Variants in BOP1 observed in about 807,000 individuals in gnomAD.
The protein encoded by BOP1 is BOP1 ribosomal biogenesis factor.
In BOP1, 54 loss-of-function variants were observed where a neutral mutation model predicts 82.9. The observed-to-expected ratio is 0.65, with a 90% CI of 0.52 to 0.82. The LOEUF is 0.82. Among genes scored for constraint, BOP1 ranks in the 40% least tolerant of loss-of-function variants. The pLI, the probability that BOP1 is intolerant of heterozygous loss-of-function variation, is 0.00. For missense variants in BOP1, 1,170 were observed against 1,072.0 expected (o/e 1.09, Z -1.28); for synonymous variants, 566 against 451.1 (o/e 1.25, Z -3.23).
Position 144,262,633 on chromosome 8 carries a change from A to G in BOP1, c.1934T>C (p.Val645Ala). ...GGTGGAAAGATCCAGGTCAAACCAC[A>G]CCAGCTTGCTATCGTAGCTCCCACA... ...VICGSYDSKL[V>A]WFDLDLSTKP... The change falls in exon 14 of 16, where the codon GTG (valine) becomes GCG (alanine). Residue 645 changes from valine to alanine, a missense_variant. Physicochemically the swap from Val to Ala is moderately conservative, Grantham distance 64. Transcript: ENST00000569669. 6.2e-7 allele frequency: 1 copy of G among 1,613,366 alleles called. No individual in the cohort carries two copies. Among genetic ancestry groups the G allele is most frequent in the Non-Finnish European group, 8.5e-7 (1 of 1,179,810 alleles).
intron 2 of BOP1, among the ~76,000 whole-genome samples, chr8:144,282,275 C>T (rs1338532002): frequency 6.6e-6 from 1 of 152,214 alleles, no homozygotes; most frequent in South Asian, 2.1e-4. Context: ...GGGCGCCCCT[C>T]CAGTGGGATG....
Position 144,291,243 on chromosome 8 carries a change from G to T in BOP1, c.99+29C>A. ...TGCCCGCCGGGCCCTCTAGGGACGC[G>T]CCCCGCCGCCCCGCATCGCCACAGT... On this transcript the variant is annotated intron_variant, in intron 1 of 15. Transcript: ENST00000569669. The surrounding 1 kb of genome is among the most constrained non-coding windows in gnomAD (Gnocchi z 4.1). 7.0e-7 allele frequency: 1 copy of T among 1,438,192 alleles called. No individual in the cohort carries two copies. Among genetic ancestry groups the T allele is most frequent in the Non-Finnish European group, 9.1e-7 (1 of 1,097,756 alleles). The allele number at this position is 1,438,192 out of a possible 1,614,324, so 89.1% of individuals were successfully genotyped here.
chr8:144,264,253 G>A lies in BOP1; in HGVS notation c.950C>T (p.Pro317Leu). The A allele has an allele frequency of 3.7e-6, 6 of 1,610,498 alleles. No homozygotes were observed. The highest frequency in any genetic ancestry group is 3.3e-5 in the Admixed American group (2 of 59,790). The change falls in exon 7 of 16, where the codon CCC (proline) becomes CTC (leucine). Residue 317 changes from proline (P) to leucine (L), a missense_variant. By Grantham distance (98) the Pro-to-Leu change is moderately conservative. Transcript: ENST00000569669. The stretch of plus-strand genomic sequence containing the variant: ...CTCCTCGCTGAGCAGGTATTCAGGG[G>A]GTGGGTTGTACGACTCGGCGTGGCC... ...LPGHAESYNPPPEYLLSEEER... is the reference protein window; with the variant it reads ...LPGHAESYNPLPEYLLSEEER...
At position 144,263,899 on chromosome 8, in the gene BOP1, G is replaced by A. The variant is rs1359464243; in HGVS notation, c.1153C>T (p.Pro385Ser). Reference protein sequence around the residue: ...RQRKMRVNVDPEDLIPKLPRP... With the variant: ...RQRKMRVNVDSEDLIPKLPRP... The stretch of plus-strand genomic sequence containing the variant: ...GGCAGCTTGGGGATGAGGTCCTCAG[G>A]GTCTACATTCACCTGGGGCAGGAGA... The change falls in exon 9 of 16, where the codon CCT (proline) becomes TCT (serine). Residue 385 changes from proline (P) to serine (S), a missense_variant. Pro to Ser is a moderately conservative substitution (Grantham distance 74, BLOSUM62 -1). Transcript: ENST00000569669. The A allele has an allele frequency of 5.0e-6, 8 of 1,611,574 alleles. No individual in the cohort carries two copies. Among genetic ancestry groups the A allele is most frequent in the Non-Finnish European group, 6.8e-6 (8 of 1,179,590 alleles).
chr8:144,287,422 G>A (rs1814914985), intron 2 of BOP1, among the ~76,000 whole-genome samples: 1 of 152,250 alleles, frequency 6.6e-6, no homozygotes, highest in Non-Finnish European at 1.5e-5. Flanking sequence ...TCACGGGTTA[G>A]GTGTGAGGGC....
Position 144,264,983 on chromosome 8 carries a change from T to C in BOP1, c.479A>G (p.Tyr160Cys), listed in dbSNP as rs1054538479. Reference sequence around the variant, plus strand: ...CTCATCCCGGGTCCGCAGGGGCTTGTAGATGCGCCTGCCATCCAGGTCGTA... The same window carrying C: ...CTCATCCCGGGTCCGCAGGGGCTTGCAGATGCGCCTGCCATCCAGGTCGTA... ...VGYDLDGRRI[Y>C]KPLRTRDELD... Residue 160 changes from tyrosine to cysteine, a missense_variant, in exon 4 of 16, where the codon TAC becomes TGC. Coordinates refer to ENST00000569669, the MANE Select transcript of BOP1 (RefSeq NM_015201.5). The C allele has an allele frequency of 4.3e-6, 7 of 1,612,332 alleles. No homozygotes were observed. The highest frequency in any genetic ancestry group is 5.9e-6 in the Non-Finnish European group (7 of 1,179,718).
At chr8:144,288,602 A>G (rs930796407) in intron 2 of BOP1, among the ~76,000 whole-genome samples, 2 of 152,196 alleles carry the variant, frequency 1.3e-5, no homozygotes, top group Admixed American at 6.5e-5. Flanking sequence ...GTTGTTCTCA[A>G]TAAGAGTAGG....
rs974471516 is a variant in BOP1 at position 144,264,691 on chromosome 8, A to G, written c.663+23T>C. On this transcript the variant is annotated intron_variant, in intron 5 of 15. Coordinates refer to ENST00000569669, the MANE Select transcript of BOP1 (RefSeq NM_015201.5). ...GGTGCCTCCAGGACCCCCGCCGCCC[A>G]GGGGCCAGCCCCTGCCACCTACCTC... The G allele has an allele frequency of 8.0e-4, 1,253 of 1,565,870 alleles. 12 individuals carry two copies. The African/African-American group carries it at 0.015, about 18-fold the overall frequency.
chr8:144,264,560 C>T lies in BOP1; in HGVS notation c.720G>A (p.Pro240=), dbSNP rs900209607. The change falls in exon 6 of 16, where the codon CCG becomes CCA. Residue 240 remains proline (P), a synonymous_variant. Coordinates refer to ENST00000569669, the MANE Select transcript of BOP1 (RefSeq NM_015201.5). ...AGGGGATGAAGCTGCGCTTGTCGGC[C>T]GGGCGGTTGGTCACCGGGTGGATCA... is the stretch of plus-strand genomic sequence containing the variant. ...DVMIHPVTNR[P]ADKRSFIPSL... 5.1e-5 allele frequency: 82 copies of T among 1,609,730 alleles called. No individual in the cohort carries two copies. The African/African-American group carries it at 6.1e-4, about 12-fold the overall frequency.
chr8:144,263,722 C>A lies in BOP1; in HGVS notation c.1261G>T (p.Val421Phe). The A allele has an allele frequency of 6.3e-7, 1 of 1,575,062 alleles. No individual in the cohort carries two copies. The highest frequency in any genetic ancestry group is 8.6e-7 in the Non-Finnish European group (1 of 1,161,538). ...ACCAGCCACTGGCCCCCAGGAGAGA[C>A]ACTGAGGCACCGGACAAGGTCACTG... ...GHSDLVRCLS[V>F]SPGGQWLVSG... Residue 421 changes from valine to phenylalanine, a missense_variant, in exon 10 of 16, where the codon GTC (valine) becomes TTC (phenylalanine). Val to Phe is a conservative substitution (Grantham distance 50). Transcript: ENST00000569669.
rs919309803 is a variant in BOP1 at position 144,262,125 on chromosome 8, C to T, written c.*39G>A. On this transcript the variant is annotated 3_prime_UTR_variant, in exon 16 of 16. Coordinates refer to ENST00000569669, the MANE Select transcript of BOP1 (RefSeq NM_015201.5). ...CAGCACAGGGTAAAGGCTCTGTTGA[C>T]TTCAGCACGACCACCCCAGCCCCAG... 2.2e-5 allele frequency: 36 copies of T among 1,610,812 alleles called. No individual in the cohort carries two copies. Among genetic ancestry groups the T allele is most frequent in the Non-Finnish European group, 3.1e-5 (36 of 1,179,800 alleles).
In BOP1 at chr8:144,263,238, G is replaced by C; in HGVS notation, c.1588C>G (p.Arg530Gly). 6.3e-7 allele frequency: 1 copy of C among 1,594,724 alleles called. No homozygotes were observed. Among genetic ancestry groups the C allele is most frequent in the Non-Finnish European group, 8.5e-7 (1 of 1,179,152 alleles). Residue 530 changes from arginine (R) to glycine (G), a missense_variant, in exon 12 of 16, where the codon CGC (arginine) becomes GGC (glycine). Physicochemically the swap from Arg to Gly is moderately radical, Grantham distance 125. Transcript: ENST00000569669. ...EEERQVGLRL[R>G]ICHGKPVTQV... is the part of the protein sequence containing the mutation. ...CCACGTACCTTCCCGTGGCAGATGC[G>C]CAGCCGCAGGCCCACTTGGCGCTCC...
intron 1 of BOP1, among the ~76,000 whole-genome samples, chr8:144,290,493 C>T (rs1168953084): frequency 6.6e-6 from 1 of 152,240 alleles, no homozygotes; most frequent in African/African-American, 2.4e-5. Context: ...CGAGTGTTCA[C>T]ACAATGCCTC....
rs1845314683 is a variant in BOP1 at position 144,264,621 on chromosome 8, G to A, written c.664-5C>T. On this transcript the variant is annotated splice_region_variant and splice_polypyrimidine_tract_variant and intron_variant, in intron 5 of 15. Coordinates refer to ENST00000569669, the MANE Select transcript of BOP1 (RefSeq NM_015201.5). ...GCTGAAGAAGTCGACAGCCGGCTGG[G>A]GGAGAAGATGTGGGCGTGTGGGCCA... 1.3e-6 allele frequency: 2 copies of A among 1,591,084 alleles called. No individual in the cohort carries two copies. The highest frequency in any genetic ancestry group is 1.1e-5 in the South Asian group (1 of 88,670).
chr8:144,291,324 C>T lies in BOP1; in HGVS notation c.47G>A (p.Arg16Gln). Residue 16 changes from arginine (R) to glutamine (Q), a missense_variant, in exon 1 of 16, where the codon CGG becomes CAG. Coordinates refer to ENST00000569669, the MANE Select transcript of BOP1 (RefSeq NM_015201.5). The surrounding 1 kb of genome is among the most constrained non-coding windows in gnomAD (Gnocchi z 4.1). ...GAGRTAAPSV[R>Q]PEKRRSEPEL... ...GGGCTCAGACCGCCGCTTCTCCGGC[C>T]GCACGCTCGGCGCCGCCGTGCGCCC... 2 of 1,432,920 alleles carry T rather than the reference C, an allele frequency of 1.4e-6. No homozygotes were observed. The highest frequency in any genetic ancestry group is 3.2e-5 in the East Asian group (1 of 31,134). The allele number at this position is 1,432,920 out of a possible 1,614,324, so 88.8% of individuals were successfully genotyped here.
intron 3 of BOP1, 77 bp downstream of exon 3, chr8:144,276,147 G>A: frequency 6.4e-7 from 1 of 1,560,768 alleles, no homozygotes; most frequent in South Asian, 1.1e-5. Context: ...GGCAACCCCA[G>A]CCCCAACCCC....
intron 13 of BOP1, 27 bp downstream of exon 13, chr8:144,262,826 G>A: frequency 5.0e-6 from 4 of 808,036 alleles, no homozygotes; most frequent in Non-Finnish European, 4.9e-6. Context: ...CCCCTCACCT[G>A]CAGGGTGCAC....
intron 2 of BOP1, among the ~76,000 whole-genome samples, chr8:144,285,376 G>A (rs1014087511): frequency 2.0e-5 from 3 of 152,122 alleles, no homozygotes; most frequent in Non-Finnish European, 2.9e-5. Flanking sequence ...CGAGGCAGAG[G>A]CCACAGGGGC....
At chr8:144,290,017 G>C (rs565632760) in intron 1 of BOP1, among the ~76,000 whole-genome samples, 5 of 152,142 alleles carry the variant, frequency 3.3e-5, no homozygotes, top group Non-Finnish European at 4.4e-5. Flanking sequence ...CACAGTGTTC[G>C]GGTCCTTCAC....
Sources: gnomAD v4.1 joint callset for allele counts (sites outside exome capture counted in the v4.1 genomes callset) on GRCh38, gnomAD v4.1.1 for gene constraint, Gnocchi (gnomAD v3.1) non-coding constraint, MANE v1.5 for transcripts, NCBI Gene and HGNC (gene_info 2026-07-23, HGNC 2026-07-21) for gene names.